RBFOX1: variants seen among roughly 807,000 people sequenced by gnomAD.
RBFOX1 encodes the protein RNA binding protein fox-1 homolog 1.
A neutral mutation model predicts 57.7 loss-of-function variants in RBFOX1; 8 were observed. That is an observed-to-expected ratio of 0.14 (90% CI 0.08 to 0.25). RBFOX1 has a LOEUF of 0.25. RBFOX1 is among the 10% of genes least tolerant of loss of function. The pLI, the probability that RBFOX1 is intolerant of heterozygous loss-of-function variation, is 1.00. For synonymous variants in RBFOX1, 326 were observed against 222.4 expected, an observed-to-expected ratio of 1.47 and a Z score of -4.15; for missense variants, 611 against 548.5, an observed-to-expected ratio of 1.11 and a Z score of -1.14.
At chr16:7,534,061 T>A (rs1056906509) in intron 5 of RBFOX1, among the ~76,000 whole-genome samples, 1 of 151,308 alleles carries the variant, frequency 6.6e-6, no homozygotes, top group African/African-American at 2.4e-5. Flanking sequence ...CCCTGATTCA[T>A]GTCAAAGGTC....
intron 1 of RBFOX1, among the ~76,000 whole-genome samples, chr16:5,372,444 G>C (rs1373492279): frequency 6.7e-6 from 1 of 148,572 alleles, no homozygotes; most frequent in Non-Finnish European, 1.5e-5. Context: ...TTTTTATTTG[G>C]TCATGAAAAA....
In RBFOX1 at chr16:6,254,679, C is replaced by T. The variant is rs943042107; in HGVS notation, c.-126-62316C>T. ...TTCCATTCAATGGGGGAAAGCAATA[C>T]AAAATGTTAAAACTGAACATTTTTT... On this transcript the variant is annotated intron_variant, in intron 1 of 15. Coordinates refer to ENST00000550418, the MANE Select transcript of RBFOX1 (RefSeq NM_018723.4). 1.1e-4 allele frequency among the ~76,000 whole-genome samples: 17 copies of T among 152,090 alleles called. 1 individual carries two copies. Among genetic ancestry groups the T allele is most frequent in the African/African-American group, 2.4e-5 (1 of 41,410 alleles).
chr16:6,215,787 T>A (rs2097332136), intron 1 of RBFOX1, among the ~76,000 whole-genome samples: 1 of 152,190 alleles, frequency 6.6e-6, no homozygotes, highest in South Asian at 2.1e-4. Context: ...TAACCCAGCC[T>A]GTTTTCTTAC....
rs529807894 is a variant in RBFOX1 at position 7,352,090 on chromosome 16, G to A, written c.28-166057G>A. ...TGTAGGCATATGGTCTTGCAATTGC[G>A]GGGTGTATCATTTCCACTTGATTGT... is the stretch of plus-strand genomic sequence containing the variant. On this transcript the variant is annotated intron_variant, in intron 4 of 15. Coordinates refer to ENST00000550418, the MANE Select transcript of RBFOX1 (RefSeq NM_018723.4). 6.6e-5 allele frequency among the ~76,000 whole-genome samples: 10 copies of A among 152,186 alleles called. No individual in the cohort carries two copies. In the South Asian group the frequency reaches 1.2e-3, roughly 19 times the overall value.
At chr16:6,118,087 C>G (rs578205214) in intron 1 of RBFOX1, among the ~76,000 whole-genome samples, 1 of 152,156 alleles carries the variant, frequency 6.6e-6, no homozygotes, top group African/African-American at 2.4e-5. Flanking sequence ...ATAGTCTTCA[C>G]CCATCTTCTC....
chr16:5,286,404 CCT>C (rs1437644254), intron 1 of RBFOX1, among the ~76,000 whole-genome samples: 2 of 152,112 alleles, frequency 1.3e-5, no homozygotes, highest in Non-Finnish European at 2.9e-5. Flanking sequence ...TTTCCTCAGG[CCT>C]CTCAGTAGTA....
Position 6,513,639 on chromosome 16 carries a change from C to T in RBFOX1, c.-63-140964C>T, listed in dbSNP as rs2096301359. On this transcript the variant is annotated intron_variant, in intron 2 of 15. Coordinates refer to ENST00000550418, the MANE Select transcript of RBFOX1 (RefSeq NM_018723.4). ...ATGACAGCTATTCGGGAGGCCGAGG[C>T]AGAAGAATCACTTGAACTTGGGAGG... Among the ~76,000 whole-genome samples the T allele has an allele frequency of 2.6e-5, 4 of 152,222 alleles. 1 individual carries two copies. The South Asian group carries it at 8.3e-4, about 32-fold the overall frequency.
rs534336019 is a variant in RBFOX1, at chr16:5,945,821, G to T, written c.351+78486G>T. 2.0e-5 allele frequency among the ~76,000 whole-genome samples: 3 copies of T among 152,262 alleles called. No individual in the cohort carries two copies. The South Asian group carries it at 6.2e-4, about 32-fold the overall frequency. On this transcript the variant is annotated intron_variant, in intron 4 of 19. Transcript: ENST00000641259. ...TTCATATCCTGCTCAGACCATCTGG[G>T]CATCCTTCCTCCCTAGTGTGTGAGA...
At chr16:5,626,297 C>A (rs894835409) in intron 3 of RBFOX1, among the ~76,000 whole-genome samples, 2 of 152,188 alleles carry the variant, frequency 1.3e-5, no homozygotes, top group African/African-American at 4.8e-5. Context: ...CAGCCTCCCT[C>A]CTTGGCTTGT....
chr16:7,161,798 C>A (rs77605590), intron 4 of RBFOX1, among the ~76,000 whole-genome samples: 1,914 of 152,240 alleles, frequency 0.013, 41 homozygotes, highest in African/African-American at 0.044. Context: ...TCAGCACAAG[C>A]ACTGGATGTT....
At chr16:5,623,771 C>T (rs1010738808) in intron 3 of RBFOX1, among the ~76,000 whole-genome samples, 3 of 152,126 alleles carry the variant, frequency 2.0e-5, no homozygotes, top group African/African-American at 7.2e-5. Flanking sequence ...CTCTCCCTCT[C>T]AATCTGGTTG....
chr16:6,451,220 C>A (rs1164578972), intron 2 of RBFOX1, among the ~76,000 whole-genome samples: 1 of 151,976 alleles, frequency 6.6e-6, no homozygotes, highest in Non-Finnish European at 1.5e-5. Context: ...AGCAAAATAG[C>A]ATGTTCTGAG....
At chr16:5,285,935 C>A (rs1187657666) in intron 1 of RBFOX1, among the ~76,000 whole-genome samples, 2 of 152,166 alleles carry the variant, frequency 1.3e-5, no homozygotes, top group African/African-American at 2.4e-5. Flanking sequence ...CCACACCTGG[C>A]TAATTTTTAT....
At chr16:7,118,996 C>T (rs756248574) in intron 4 of RBFOX1, among the ~76,000 whole-genome samples, 2 of 152,082 alleles carry the variant, frequency 1.3e-5, no homozygotes, top group Non-Finnish European at 2.9e-5. Context: ...TTAGTCAGTT[C>T]TGTGTGCCAG....
intron 2 of RBFOX1, among the ~76,000 whole-genome samples, chr16:6,402,127 T>C (rs1010485696): frequency 3.3e-5 from 5 of 151,476 alleles, no homozygotes; most frequent in African/African-American, 1.2e-4. Flanking sequence ...TTGTGAGTCC[T>C]GTCCCAAAAA....
chr16:6,930,618 C>T (rs1485494385), intron 3 of RBFOX1, among the ~76,000 whole-genome samples: 2 of 152,212 alleles, frequency 1.3e-5, no homozygotes, highest in African/African-American at 2.4e-5. Context: ...CCATGTTGGC[C>T]AGGCTGGTCT....
intron 4 of RBFOX1, among the ~76,000 whole-genome samples, chr16:5,906,317 C>G (rs890280612): frequency 1.3e-5 from 2 of 152,184 alleles, no homozygotes; most frequent in African/African-American, 2.4e-5. Context: ...AATTTGGACA[C>G]AAACACGCAC....
Position 5,456,113 on chromosome 16 carries a change from TA to T in RBFOX1, c.220-11093del, listed in dbSNP as rs963998689. Among the ~76,000 whole-genome samples, 244 of 150,754 alleles carry T rather than the reference TA, an allele frequency of 1.6e-3. 1 individual carries two copies. The highest frequency in any genetic ancestry group is 5.0e-3 in the African/African-American group (205 of 40,900). On this transcript the variant is annotated intron_variant, in intron 1 of 2. Coordinates refer to the RBFOX1 transcript ENST00000585867. ...AATATTATGGCATATATCATTTTTT[TA>T]AAAAAAAAACGTGCTTAACATGAGG...
intron 5 of RBFOX1, among the ~76,000 whole-genome samples, chr16:7,566,411 G>C (rs2091700107): frequency 6.6e-6 from 1 of 152,102 alleles, no homozygotes; most frequent in Non-Finnish European, 1.5e-5. Context: ...CTACGTGCCT[G>C]CTCTTAGACT....
Sources: gnomAD v4.1 joint callset for allele counts (sites outside exome capture counted in the v4.1 genomes callset) on GRCh38, gnomAD v4.1.1 for gene constraint, MANE v1.5 for transcripts, NCBI Gene and HGNC (gene_info 2026-07-23, HGNC 2026-07-21) for gene names.